The following CCDC171 variants were observed in gnomAD, a reference collection of about 807,000 sequenced individuals.
CCDC171 encodes the protein coiled-coil domain-containing protein 171.
A neutral mutation model predicts 168.2 loss-of-function variants in CCDC171; 177 were observed. The ratio of observed to expected loss-of-function variants is 1.05; its 90% CI spans 0.93 to 1.19. The LOEUF (loss-of-function observed/expected upper bound fraction) is 1.19. CCDC171 is among the 50% of genes most tolerant of loss of function. The probability of loss-of-function intolerance (pLI) is 0.00; values close to 1 mark genes in which losing one functional copy is unlikely to be tolerated. For synonymous variants in CCDC171, 687 were observed against 540.8 expected, an observed-to-expected ratio of 1.27 and a Z score of -3.75; for missense variants, 1,991 against 1,539.0, an observed-to-expected ratio of 1.29 and a Z score of -4.91.
At chr9:15,707,588 C>A (rs959384981) in intron 11 of CCDC171, among the ~76,000 whole-genome samples, 2 of 152,108 alleles carry the variant, frequency 1.3e-5, no homozygotes. Flanking sequence ...CCACTTTCTC[C>A]CTTCCTTACT....
At chr9:15,801,510 T>C (rs2058819946) in intron 21 of CCDC171, among the ~76,000 whole-genome samples, 2 of 152,132 alleles carry the variant, frequency 1.3e-5, no homozygotes, top group African/African-American at 4.8e-5. Context: ...TCTAATAGTT[T>C]TTTGGTGGAG....
At chr9:15,717,510 A>G (rs944030464) in intron 11 of CCDC171, among the ~76,000 whole-genome samples, 2 of 152,176 alleles carry the variant, frequency 1.3e-5, no homozygotes, top group South Asian at 2.1e-4. Flanking sequence ...GGGGGCAGCA[A>G]AGGGAGTGCT....
intron 1 of CCDC171, among the ~76,000 whole-genome samples, chr9:15,555,500 C>T (rs1288490034): frequency 6.6e-6 from 1 of 152,016 alleles, no homozygotes; most frequent in Non-Finnish European, 1.5e-5. Context: ...CAGCAAAGAG[C>T]AGAAATGCTT....
intron 21 of CCDC171, among the ~76,000 whole-genome samples, chr9:15,814,757 A>T (rs1446482218): frequency 2.0e-5 from 3 of 152,150 alleles, no homozygotes; most frequent in African/African-American, 7.2e-5. Flanking sequence ...GTAAAATTAC[A>T]GATCTACTGA....
chr9:15,879,909 A>G (rs1426412168), intron 24 of CCDC171, among the ~76,000 whole-genome samples: 6 of 152,188 alleles, frequency 3.9e-5, no homozygotes, highest in Non-Finnish European at 7.4e-5. Context: ...CCTGAAAAAG[A>G]TAAGATGGTT....
chr9:15,603,766 C>T (rs2043032832), intron 6 of CCDC171, among the ~76,000 whole-genome samples: 1 of 151,786 alleles, frequency 6.6e-6, no homozygotes, highest in Non-Finnish European at 1.5e-5. Context: ...GGGTATATAC[C>T]TATTAATGGG....
chr9:15,702,411 A>T (rs2051829116), intron 11 of CCDC171, among the ~76,000 whole-genome samples: 1 of 152,074 alleles, frequency 6.6e-6, no homozygotes, highest in East Asian at 1.9e-4. Context: ...CTTAAGAATT[A>T]TTCTATATCT....
chr9:15,756,357 G>A (rs1318126993), intron 18 of CCDC171, among the ~76,000 whole-genome samples: 1 of 152,048 alleles, frequency 6.6e-6, no homozygotes, highest in Non-Finnish European at 1.5e-5. Context: ...ACACAAGAAT[G>A]GTTACTGTTA....
At chr9:15,705,146 G>T (rs535600442) in intron 11 of CCDC171, among the ~76,000 whole-genome samples, 6 of 146,134 alleles carry the variant, frequency 4.1e-5, no homozygotes, top group Non-Finnish European at 7.6e-5. Context: ...ATAACTAAGT[G>T]TGGTGATGGA....
chr9:15,877,234 G>T (rs1057484417), intron 24 of CCDC171, among the ~76,000 whole-genome samples: 6 of 151,968 alleles, frequency 3.9e-5, no homozygotes, highest in African/African-American at 9.7e-5. Context: ...CCCGAGACTT[G>T]CAGTGGGATT....
chr9:15,848,592 C>G (rs1472849156), intron 22 of CCDC171, among the ~76,000 whole-genome samples: 1 of 151,384 alleles, frequency 6.6e-6, no homozygotes, highest in Non-Finnish European at 1.5e-5. Flanking sequence ...TGATTTTTTT[C>G]TTTGTTTTTC....
intron 9 of CCDC171, among the ~76,000 whole-genome samples, chr9:15,675,327 A>G (rs186758365): frequency 7.3e-5 from 11 of 151,230 alleles, no homozygotes; most frequent in Admixed American, 6.6e-4. Flanking sequence ...TCTTTATGCA[A>G]TTTGCCAGTC....
intron 7 of CCDC171, among the ~76,000 whole-genome samples, chr9:15,644,556 T>G (rs908769848): frequency 6.6e-6 from 1 of 152,184 alleles, no homozygotes; most frequent in African/African-American, 2.4e-5. Context: ...ATACTGCACT[T>G]TTCCAGTGGT....
intron 17 of CCDC171, 87 bp downstream of exon 17, chr9:15,744,864 A>G: frequency 7.8e-7 from 1 of 1,287,124 alleles, no homozygotes; most frequent in African/African-American, 1.5e-5. Flanking sequence ...AAAAACTCTT[A>G]AAAAATCATG....
chr9:15,796,125 T>G (rs1273370039), intron 21 of CCDC171, among the ~76,000 whole-genome samples: 1 of 152,162 alleles, frequency 6.6e-6, no homozygotes, highest in African/African-American at 2.4e-5. Flanking sequence ...AACAGATACT[T>G]TAAGTGTTTT....
chr9:15,727,185 C>A (rs1162952526), intron 14 of CCDC171, among the ~76,000 whole-genome samples: 2 of 151,988 alleles, frequency 1.3e-5, no homozygotes, highest in African/African-American at 4.8e-5. Context: ...AATATTTAAA[C>A]ACCTACAAAT....
intron 21 of CCDC171, among the ~76,000 whole-genome samples, chr9:15,813,908 G>C (rs1288285844): frequency 1.3e-5 from 2 of 152,082 alleles, no homozygotes; most frequent in South Asian, 2.1e-4. Context: ...TTGAGTAATA[G>C]GATCACTTTG....
chr9:15,749,261 A>G (rs1481436420), intron 18 of CCDC171, among the ~76,000 whole-genome samples: 1 of 152,256 alleles, frequency 6.6e-6, no homozygotes, highest in East Asian at 1.9e-4. Flanking sequence ...CAATTCAACA[A>G]GAAGAGCTAA....
chr9:15,809,212 G>C (rs2059217357), intron 21 of CCDC171, among the ~76,000 whole-genome samples: 1 of 152,176 alleles, frequency 6.6e-6, no homozygotes, highest in South Asian at 2.1e-4. Flanking sequence ...GGCACATGTG[G>C]CTGAGAATTA....
Sources: allele counts gnomAD v4.1 joint callset (sites outside exome capture counted in the v4.1 genomes callset), GRCh38; gene constraint gnomAD v4.1.1; transcripts MANE v1.5; gene names NCBI Gene and HGNC (gene_info 2026-07-23, HGNC 2026-07-21).